SEMA5A: variants seen among roughly 807,000 people sequenced by gnomAD.
SEMA5A encodes semaphorin-5A.
SEMA5A carries 55 observed loss-of-function variants against 135.5 expected under a neutral mutation model. The observed-to-expected ratio is 0.41, with a 90% CI of 0.33 to 0.51. SEMA5A has a LOEUF of 0.51. SEMA5A is among the 20% of genes least tolerant of loss of function. The pLI is 0.37. For missense variants in SEMA5A, 1,290 were observed against 1,419.9 expected, an observed-to-expected ratio of 0.91 and a Z score of 1.47; for synonymous variants, 580 against 546.5, an observed-to-expected ratio of 1.06 and a Z score of -0.85.
At chr5:9,158,068 C>T (rs2526122) in intron 11 of SEMA5A, among the ~76,000 whole-genome samples, 83,867 of 152,070 alleles carry the variant, frequency 0.55, 25,852 homozygotes, top group Middle Eastern at 0.77. Context: ...CTATTAGGGC[C>T]AGTAGAGATT....
intron 16 of SEMA5A, among the ~76,000 whole-genome samples, chr5:9,071,698 T>A (rs1490588608): frequency 6.6e-6 from 1 of 152,156 alleles, no homozygotes; most frequent in Non-Finnish European, 1.5e-5. Flanking sequence ...AGAATTTTGA[T>A]ACCACATGCT....
rs1168640192 is a variant in SEMA5A, at chr5:9,083,286, A to G, written c.2074-16640T>C. Among the ~76,000 whole-genome samples, 3 of 152,208 alleles carry G rather than the reference A, an allele frequency of 2.0e-5. No homozygotes were observed. The East Asian group carries it at 5.8e-4, about 29-fold the overall frequency. On this transcript the variant is annotated intron_variant, in intron 16 of 22. Coordinates refer to ENST00000382496, the MANE Select transcript of SEMA5A (RefSeq NM_003966.3). ...TATCAGCATCACTTTCCTACAATTT[A>G]AATCCCAAGGAACTGCATTTTTTGT...
intron 5 of SEMA5A, among the ~76,000 whole-genome samples, chr5:9,266,706 G>A (rs1482106385): frequency 6.6e-6 from 1 of 152,124 alleles, no homozygotes; most frequent in African/African-American, 2.4e-5. Context: ...TTATCCTACA[G>A]TAATAAAGGT....
chr5:9,381,813 G>A (rs1290477293), intron 2 of SEMA5A, among the ~76,000 whole-genome samples: 1 of 152,088 alleles, frequency 6.6e-6, no homozygotes, highest in African/African-American at 2.4e-5. Flanking sequence ...CTACATTTGG[G>A]GAACACAGAG....
At chr5:9,315,897 A>C (rs1752368543) in intron 5 of SEMA5A, among the ~76,000 whole-genome samples, 1 of 152,180 alleles carries the variant, frequency 6.6e-6, no homozygotes, top group African/African-American at 2.4e-5. Context: ...TAAGTACTTT[A>C]AGACTACCAT....
intron 3 of SEMA5A, among the ~76,000 whole-genome samples, chr5:9,364,191 T>C (rs1047972710): frequency 1.3e-5 from 2 of 152,238 alleles, no homozygotes; most frequent in Non-Finnish European, 2.9e-5. Context: ...TTCTTTATTC[T>C]CTCTAAATTC....
intron 16 of SEMA5A, among the ~76,000 whole-genome samples, chr5:9,104,764 A>T (rs1454754701): frequency 6.6e-6 from 1 of 152,204 alleles, no homozygotes; most frequent in Non-Finnish European, 1.5e-5. Context: ...AGCCACAGGC[A>T]TGCAGGGCTG....
At chr5:9,321,286 T>C (rs1209915499) in intron 4 of SEMA5A, among the ~76,000 whole-genome samples, 1 of 152,130 alleles carries the variant, frequency 6.6e-6, no homozygotes, top group African/African-American at 2.4e-5. Context: ...CAGTCTCAGC[T>C]ATTTCTTTAT....
chr5:9,315,489 A>G (rs1752351221), intron 5 of SEMA5A, among the ~76,000 whole-genome samples: 1 of 152,194 alleles, frequency 6.6e-6, no homozygotes, highest in Admixed American at 6.6e-5. Context: ...GAAAAAATAT[A>G]TCTGCTGCAA....
chr5:9,414,120 A>T (rs1180853378), intron 2 of SEMA5A, among the ~76,000 whole-genome samples: 2 of 152,230 alleles, frequency 1.3e-5, no homozygotes, highest in African/African-American at 2.4e-5. Flanking sequence ...ATGAAAATCT[A>T]TTATGTAATT....
At chr5:9,323,613 T>G (rs1010333597) in intron 4 of SEMA5A, among the ~76,000 whole-genome samples, 5 of 151,774 alleles carry the variant, frequency 3.3e-5, no homozygotes, top group Non-Finnish European at 7.4e-5. Context: ...GTTTGATTTT[T>G]AAGGCACAGA....
At chr5:9,519,243 T>C (rs1736685814) in intron 1 of SEMA5A, among the ~76,000 whole-genome samples, 2 of 152,238 alleles carry the variant, frequency 1.3e-5, no homozygotes, top group Admixed American at 1.3e-4. Flanking sequence ...TATCCCACTT[T>C]CAACTAAAAC....
At chr5:9,371,205 T>A (rs1755121154) in intron 3 of SEMA5A, among the ~76,000 whole-genome samples, 1 of 152,170 alleles carries the variant, frequency 6.6e-6, no homozygotes, top group Admixed American at 6.5e-5. Context: ...AAAATATAAA[T>A]ATTCAATCTT....
chr5:9,254,343 T>C (rs1037726372), intron 5 of SEMA5A, among the ~76,000 whole-genome samples: 2 of 152,088 alleles, frequency 1.3e-5, no homozygotes, highest in Non-Finnish European at 2.9e-5. Context: ...GTAGAGAAGA[T>C]GGAGGATTAC....
chr5:9,372,285 ACCAGACAGCCAAAT>A (rs751313066), intron 3 of SEMA5A, among the ~76,000 whole-genome samples: 6 of 152,238 alleles, frequency 3.9e-5, no homozygotes, highest in Non-Finnish European at 8.8e-5. Flanking sequence ...TGCATTAGAC[ACCAGACAGCCAAAT>A]CCCAGAGAAG....
chr5:9,375,401 G>A (rs1644529151), intron 3 of SEMA5A, among the ~76,000 whole-genome samples: 1 of 151,944 alleles, frequency 6.6e-6, no homozygotes. Context: ...GATACCATGA[G>A]ACTACAGACT....
At chr5:9,289,302 G>T (rs1030162862) in intron 5 of SEMA5A, among the ~76,000 whole-genome samples, 39 of 152,108 alleles carry the variant, frequency 2.6e-4, no homozygotes, top group African/African-American at 9.2e-4. Context: ...TTTAAACTTA[G>T]TGCAATAATT....
intron 2 of SEMA5A, among the ~76,000 whole-genome samples, chr5:9,409,006 T>G (rs1391913668): frequency 6.6e-6 from 1 of 152,148 alleles, no homozygotes; most frequent in Non-Finnish European, 1.5e-5. Flanking sequence ...CGGCAAATAT[T>G]TGTTTTTCAC....
intron 1 of SEMA5A, among the ~76,000 whole-genome samples, chr5:9,527,316 C>T (rs1407735962): frequency 6.6e-6 from 1 of 151,732 alleles, no homozygotes; most frequent in African/African-American, 2.4e-5. Flanking sequence ...TCAATGCAGT[C>T]CAGAGCCTGG....
Sources: allele counts gnomAD v4.1 joint callset (sites outside exome capture counted in the v4.1 genomes callset), GRCh38; gene constraint gnomAD v4.1.1; transcripts MANE v1.5; gene names NCBI Gene and HGNC (gene_info 2026-07-23, HGNC 2026-07-21).